KLF7: variants seen among roughly 807,000 people sequenced by gnomAD.
KLF7 encodes KLF transcription factor 7.
Under a neutral mutation model 27.3 loss-of-function variants are expected in KLF7, and 2 were observed. The ratio of observed to expected loss-of-function variants is 0.07; its 90% CI spans 0.03 to 0.23. The LOEUF (loss-of-function observed/expected upper bound fraction) is 0.23, where lower values mean the gene tolerates loss of function less well. Ranked by LOEUF, KLF7 falls within the 10% of genes least tolerant of loss-of-function variation. The pLI, the probability that KLF7 is intolerant of heterozygous loss-of-function variation, is 1.00. For synonymous variants in KLF7, 165 were observed against 162.4 expected, an observed-to-expected ratio of 1.02 and a Z score of -0.12; for missense variants, 221 against 394.1, an observed-to-expected ratio of 0.56 and a Z score of 3.72.
At chr2:207,143,936 A>G (rs1397190546) in intron 1 of KLF7, among the ~76,000 whole-genome samples, 1 of 152,132 alleles carries the variant, frequency 6.6e-6, no homozygotes, top group Non-Finnish European at 1.5e-5. Context: ...CACAAAACCA[A>G]TAGAGCAGCA....
intron 3 of KLF7, among the ~76,000 whole-genome samples, chr2:207,086,602 C>G (rs527961341): frequency 4.6e-5 from 7 of 152,334 alleles, no homozygotes; most frequent in Admixed American, 4.6e-4. Context: ...TCTGACATCT[C>G]TTTCAGTGAA....
At chr2:207,166,983 G>A, upstream of KLF7, 1 of 702,090 alleles carries the variant, frequency 1.4e-6, no homozygotes, top group Non-Finnish European at 1.8e-6. Context: ...TTCTGACCCC[G>A]AGCGAGAGAC....
chr2:207,083,843 T>A (rs2076328888), intron 3 of KLF7, among the ~76,000 whole-genome samples: 1 of 152,108 alleles, frequency 6.6e-6, no homozygotes. Flanking sequence ...TGAGAAGGAC[T>A]CAACAGCTTT....
chr2:207,168,638 G>A (rs183515453), upstream of KLF7, among the ~76,000 whole-genome samples: 8 of 152,294 alleles, frequency 5.3e-5, no homozygotes, highest in East Asian at 1.5e-3. Flanking sequence ...ACTATCAGCC[G>A]TCTGACTTGC....
chr2:207,169,372 A>C (rs1574616476), upstream of KLF7, among the ~76,000 whole-genome samples: 2 of 152,290 alleles, frequency 1.3e-5, no homozygotes, highest in East Asian at 3.9e-4. Flanking sequence ...TCCACCAGTA[A>C]AGTTTTGCTT....
At chr2:207,159,049 A>G (rs917567717) in intron 1 of KLF7, among the ~76,000 whole-genome samples, 1 of 152,242 alleles carries the variant, frequency 6.6e-6, no homozygotes, top group African/African-American at 2.4e-5. Flanking sequence ...GACCCTTTCA[A>G]GATTTGAAAT....
chr2:207,080,654 G>A lies in KLF7; in HGVS notation c.*559C>T, dbSNP rs1006633333. The A allele has an allele frequency of 1.3e-5, 5 of 395,268 alleles. No individual in the cohort carries two copies. Among genetic ancestry groups the A allele is most frequent in the African/African-American group, 6.2e-5 (3 of 48,516 alleles). The allele number at this position is 395,268 out of a possible 1,614,324, so 24.5% of individuals were successfully genotyped here. On this transcript the variant is annotated 3_prime_UTR_variant, in exon 4 of 4. Coordinates refer to ENST00000309446, the MANE Select transcript of KLF7 (RefSeq NM_003709.4). Reference sequence around the variant, plus strand: ...AATAGTAGGACTTTTCACACACAAAGGACAAATAAACCAAGAGTTAATTTT... The same window carrying A: ...AATAGTAGGACTTTTCACACACAAAAGACAAATAAACCAAGAGTTAATTTT...
intron 1 of KLF7, among the ~76,000 whole-genome samples, chr2:207,129,533 T>A (rs905830434): frequency 2.6e-5 from 4 of 152,370 alleles, no homozygotes; most frequent in Non-Finnish European, 5.9e-5. Context: ...AGCTTCCTAA[T>A]AAATATCACC....
At chr2:207,087,601 G>A (rs577887695) in intron 3 of KLF7, among the ~76,000 whole-genome samples, 5 of 152,228 alleles carry the variant, frequency 3.3e-5, no homozygotes, top group South Asian at 4.2e-4. Context: ...CATCATAACC[G>A]AGACCTTTAG....
At chr2:207,089,744 C>T (rs1477194786) in intron 2 of KLF7, among the ~76,000 whole-genome samples, 1 of 151,964 alleles carries the variant, frequency 6.6e-6, no homozygotes, top group African/African-American at 2.4e-5. Context: ...ATAGGTACCT[C>T]AAAGGGTTTA....
chr2:207,145,379 A>G (rs2078071118), intron 1 of KLF7, among the ~76,000 whole-genome samples: 2 of 152,220 alleles, frequency 1.3e-5, no homozygotes, highest in Non-Finnish European at 2.9e-5. Context: ...CATCTATTCA[A>G]CACTGGCAAT....
upstream of KLF7, chr2:207,166,928 C>T: frequency 1.0e-6 from 1 of 995,168 alleles, no homozygotes; most frequent in Non-Finnish European, 1.3e-6. Context: ...AGTCCCCGCC[C>T]CGCCCCGCGG....
chr2:207,085,220 A>G (rs902052548), intron 3 of KLF7, among the ~76,000 whole-genome samples: 1 of 149,582 alleles, frequency 6.7e-6, no homozygotes, highest in African/African-American at 2.4e-5. Context: ...ATAGGGATTA[A>G]GTCAACAGCA....
At chr2:207,090,114 C>T (rs2076477470) in intron 2 of KLF7, among the ~76,000 whole-genome samples, 1 of 152,122 alleles carries the variant, frequency 6.6e-6, no homozygotes, top group South Asian at 2.1e-4. Context: ...TAGTGAGCCA[C>T]TGCTCTGTAA....
rs775705568 is a variant in KLF7 at position 207,123,916 on chromosome 2, T to C, written c.591A>G (p.Gly197=). 2.5e-6 allele frequency: 4 copies of C among 1,614,016 alleles called. No individual in the cohort carries two copies. Among genetic ancestry groups the C allele is most frequent in the Non-Finnish European group, 3.4e-6 (4 of 1,180,036 alleles). ...AVTAAGAVKS[G]QSDSDQGGLG... is the part of the protein sequence containing the mutation. ...GCCCTCCTTGGTCACTGTCGCTCTG[T>C]CCACTCTTAACGGCCCCCGCAGCCG... is the stretch of plus-strand genomic sequence containing the variant. Residue 197 remains glycine, a synonymous_variant, in exon 2 of 4, where the codon GGA becomes GGG. Transcript: ENST00000309446.
chr2:207,169,269 C>T (rs2078769730), upstream of KLF7, among the ~76,000 whole-genome samples: 1 of 151,884 alleles, frequency 6.6e-6, no homozygotes, highest in Non-Finnish European at 1.5e-5. Flanking sequence ...ATCCCCCCAC[C>T]CGGGGGGAGC....
At position 207,134,263 on chromosome 2, in the gene KLF7, A is replaced by G. The variant is rs150127150; in HGVS notation, c.103-9859T>C. The G allele has an allele frequency of 1.8e-3, 1,247 of 675,988 alleles. 4 individuals carry two copies. Among genetic ancestry groups the G allele is most frequent in the Non-Finnish European group, 2.4e-3 (1,028 of 419,948 alleles). The allele number at this position is 675,988 out of a possible 1,614,324, so 41.9% of individuals were successfully genotyped here. ...ATTAATATACCCTTCCCCTACCCCC[A>G]TAAAAAACACACAGACACATACGAT... On this transcript the variant is annotated intron_variant, in intron 1 of 3. Coordinates refer to ENST00000309446, the MANE Select transcript of KLF7 (RefSeq NM_003709.4).
chr2:207,125,833 A>C (rs1189991527), intron 1 of KLF7, among the ~76,000 whole-genome samples: 4 of 152,324 alleles, frequency 2.6e-5, no homozygotes, highest in East Asian at 3.9e-4. Context: ...TGGTAGATGG[A>C]GAAGATATAG....
chr2:207,144,567 C>T (rs1366780574), intron 1 of KLF7, among the ~76,000 whole-genome samples: 2 of 152,170 alleles, frequency 1.3e-5, no homozygotes, highest in Non-Finnish European at 2.9e-5. Context: ...AGCCAACTGC[C>T]TCTATCACCA....
Sources: gnomAD v4.1 joint callset for allele counts (sites outside exome capture counted in the v4.1 genomes callset) on GRCh38, gnomAD v4.1.1 for gene constraint, MANE v1.5 for transcripts, NCBI Gene and HGNC (gene_info 2026-07-23, HGNC 2026-07-21) for gene names.